UBE3B: variants seen among roughly 807,000 people sequenced by gnomAD.
UBE3B encodes the protein ubiquitin protein ligase E3B, also known as ubiquitin-protein ligase E3B.
In UBE3B, 80 loss-of-function variants were observed where a neutral mutation model predicts 132.3. That is an observed-to-expected ratio of 0.60 (90% confidence interval 0.50 to 0.73). The LOEUF (loss-of-function observed/expected upper bound fraction) is 0.73, where lower values mean the gene tolerates loss of function less well. Among genes scored for constraint, UBE3B ranks in the 30% least tolerant of loss-of-function variants. The probability of loss-of-function intolerance (pLI) is 0.00; values close to 1 mark genes in which losing one functional copy is unlikely to be tolerated. For synonymous variants in UBE3B, 487 were observed against 520.4 expected (o/e 0.94, Z 0.87); for missense variants, 1,196 against 1,362.5 (o/e 0.88, Z 1.92).
At chr12:109,537,563 G>A (rs1284356681), downstream of UBE3B, among the ~76,000 whole-genome samples, 2 of 152,186 alleles carry the variant, frequency 1.3e-5, no homozygotes, top group African/African-American at 2.4e-5. Context: ...ATTCATGCAC[G>A]CAGGCGTCCT....
At chr12:109,485,151 C>G (rs1004871455) in intron 4 of UBE3B, among the ~76,000 whole-genome samples, 1 of 152,220 alleles carries the variant, frequency 6.6e-6, no homozygotes, top group Non-Finnish European at 1.5e-5. Context: ...TTAGAATGAT[C>G]AGCCTGAAAA....
intron 23 of UBE3B, among the ~76,000 whole-genome samples, chr12:109,525,512 G>A (rs754144424): frequency 4.6e-5 from 7 of 152,214 alleles, no homozygotes; most frequent in Non-Finnish European, 1.0e-4. Context: ...ACAGCAGTGG[G>A]ACTGGGATCA....
At chr12:109,500,040 A>C (rs1878764186) in intron 12 of UBE3B, among the ~76,000 whole-genome samples, 1 of 152,228 alleles carries the variant, frequency 6.6e-6, no homozygotes, top group Admixed American at 6.5e-5. Context: ...CTATCTAGAA[A>C]TACTGATCCT....
intron 14 of UBE3B, among the ~76,000 whole-genome samples, chr12:109,506,646 G>C (rs555076610): frequency 1.3e-5 from 2 of 152,192 alleles, no homozygotes. Context: ...CCACAGCACC[G>C]GGCTGCCAAA....
rs550865808 is a variant in UBE3B, at chr12:109,489,803, G to A, written c.545-116G>A. The A allele has an allele frequency of 1.5e-4, 144 of 948,096 alleles. 1 individual carries two copies. Among genetic ancestry groups the A allele is most frequent in the Admixed American group, 9.9e-4 (55 of 55,546 alleles). The allele number at this position is 948,096 out of a possible 1,614,324, so 58.7% of individuals were successfully genotyped here. A position where few individuals can be genotyped will look rare whatever the true frequency, so the allele number is the denominator to read the frequency against. ...CAGGCCTAAGGGAAAAGGGAGGCAAGCCAGGGGGTATCTCATTTCTTAGGG... is the reference window on the plus strand; with the variant it reads ...CAGGCCTAAGGGAAAAGGGAGGCAAACCAGGGGGTATCTCATTTCTTAGGG... On this transcript the variant is annotated intron_variant, in intron 7 of 27. Transcript: ENST00000342494.
At chr12:109,495,354 C>T (rs2135881528) in intron 9 of UBE3B, among the ~76,000 whole-genome samples, 1 of 152,264 alleles carries the variant, frequency 6.6e-6, no homozygotes, top group South Asian at 2.1e-4. Context: ...TTTTTTTCTG[C>T]ATGACCTCTG....
rs755351128 is a variant in UBE3B, at chr12:109,507,715, C to A, written c.1602C>A (p.Asp534Glu). The stretch of plus-strand genomic sequence containing the variant: ...TGGCCATGCTGATGCTGTTCTGTGA[C>A]TGTTCGCGGCACCTCATCACGTAGG... ...QLLAMLMLFC[D>E]CSRHLITILD... is the part of the protein sequence containing the mutation. The change falls in exon 15 of 28, where the codon GAC (aspartate) becomes GAA (glutamate). Residue 534 changes from aspartate to glutamate, a missense_variant. By Grantham distance (45) the Asp-to-Glu change is conservative. Transcript: ENST00000342494. 1 of 1,613,416 alleles carries A rather than the reference C, an allele frequency of 6.2e-7. No individual in the cohort carries two copies. Among genetic ancestry groups the A allele is most frequent in the Non-Finnish European group, 8.5e-7 (1 of 1,179,772 alleles).
At chr12:109,495,939 T>C (rs1006523708) in intron 9 of UBE3B, among the ~76,000 whole-genome samples, 1 of 152,234 alleles carries the variant, frequency 6.6e-6, no homozygotes, top group African/African-American at 2.4e-5. Context: ...AGAGATTTTG[T>C]TTATGGCCAG....
chr12:109,514,953 G>A (rs1487044604), intron 18 of UBE3B, among the ~76,000 whole-genome samples: 1 of 148,374 alleles, frequency 6.7e-6, no homozygotes, highest in African/African-American at 2.5e-5. Flanking sequence ...TCGCTCTGTC[G>A]CCCAGGCTGG....
At chr12:109,539,328 G>A (rs1883557935), downstream of UBE3B, among the ~76,000 whole-genome samples, 1 of 152,218 alleles carries the variant, frequency 6.6e-6, no homozygotes, top group South Asian at 2.1e-4. Flanking sequence ...GGTCAGAATG[G>A]CATCCTTTGC....
intron 1 of UBE3B, among the ~76,000 whole-genome samples, chr12:109,480,517 G>A (rs904499301): frequency 6.6e-6 from 1 of 152,078 alleles, no homozygotes; most frequent in Non-Finnish European, 1.5e-5. Flanking sequence ...CAGATGTGGT[G>A]GTATGTACCT....
chr12:109,523,752 C>T, intron 21 of UBE3B, among the ~76,000 whole-genome samples: 1 of 152,240 alleles, frequency 6.6e-6, no homozygotes, highest in Non-Finnish European at 1.5e-5. Context: ...AATCCCTGAG[C>T]ACTGTAGCTC....
chr12:109,510,973 T>G (rs1182414122), intron 17 of UBE3B, among the ~76,000 whole-genome samples: 1 of 152,226 alleles, frequency 6.6e-6, no homozygotes, highest in African/African-American at 2.4e-5. Flanking sequence ...GCCAGATGAC[T>G]TTAGGCTTTG....
chr12:109,479,383 A>G (rs1238387988), intron 1 of UBE3B, among the ~76,000 whole-genome samples: 2 of 152,236 alleles, frequency 1.3e-5, no homozygotes, highest in Non-Finnish European at 2.9e-5. Flanking sequence ...TAAATGTTGC[A>G]TTTAATCCTT....
chr12:109,510,457 A>G lies in UBE3B; in HGVS notation c.1855A>G (p.Lys619Glu), dbSNP rs1880230585. ...CACCCCCGAGGACCACTGGCTGCGAAAGTGAGCTCCAGGGGTGAGGAGGGC... is the reference window on the plus strand; with the variant it reads ...CACCCCCGAGGACCACTGGCTGCGAGAGTGAGCTCCAGGGGTGAGGAGGGC... ...RFTPEDHWLR[K>E]DLKPSVLFQE... The change falls in exon 17 of 28, where the codon AAG (lysine) becomes GAG (glutamate). Residue 619 changes from lysine (K) to glutamate (E), a missense_variant and splice_region_variant. By Grantham distance (56) the Lys-to-Glu change is moderately conservative. Transcript: ENST00000342494. 4 of 1,609,044 alleles carry G rather than the reference A, an allele frequency of 2.5e-6. No individual in the cohort carries two copies. The highest frequency in any genetic ancestry group is 1.3e-5 in the African/African-American group (1 of 74,866).
At chr12:109,517,277 A>G (rs761677615) in intron 19 of UBE3B, among the ~76,000 whole-genome samples, 2 of 152,212 alleles carry the variant, frequency 1.3e-5, no homozygotes, top group Non-Finnish European at 2.9e-5. Context: ...ATTGTAGTAT[A>G]TAAGTGGAGT....
chr12:109,517,858 C>T (rs1049494949), intron 19 of UBE3B: 13 of 397,918 alleles, frequency 3.3e-5, no homozygotes, highest in African/African-American at 2.3e-4. Context: ...TTCCTCCTCA[C>T]GTGTCTTCAT....
intron 23 of UBE3B, among the ~76,000 whole-genome samples, chr12:109,524,946 T>C (rs1055547222): frequency 2.0e-5 from 3 of 151,972 alleles, no homozygotes; most frequent in Non-Finnish European, 4.4e-5. Flanking sequence ...GCAGCACGTC[T>C]CCTCCCACGG....
chr12:109,492,954 G>T (rs1877686569), intron 9 of UBE3B, among the ~76,000 whole-genome samples: 2 of 152,154 alleles, frequency 1.3e-5, no homozygotes, highest in South Asian at 4.1e-4. Context: ...GCATTTTTAA[G>T]TGCTCAGTAG....
Sources: allele counts gnomAD v4.1 joint callset (sites outside exome capture counted in the v4.1 genomes callset), GRCh38; gene constraint gnomAD v4.1.1; transcripts MANE v1.5; gene names NCBI Gene and HGNC (gene_info 2026-07-23, HGNC 2026-07-21).